Variants in RRP7A observed in about 807,000 individuals in gnomAD.
RRP7A encodes the protein ribosomal RNA processing 7 homolog A, also known as ribosomal RNA-processing protein 7 homolog A.
Under a neutral mutation model 38.4 loss-of-function variants are expected in RRP7A, and 27 were observed. That is an observed-to-expected ratio of 0.70 (90% CI 0.52 to 0.97). The LOEUF (loss-of-function observed/expected upper bound fraction) is 0.97. Among genes scored for constraint, RRP7A ranks in the 50% least tolerant of loss-of-function variants. The probability of loss-of-function intolerance (pLI) is 0.00; values close to 1 mark genes in which losing one functional copy is unlikely to be tolerated. For synonymous variants in RRP7A, 124 were observed against 150.3 expected (o/e 0.83, Z 1.28); for missense variants, 327 against 375.4 (o/e 0.87, Z 1.07).
chr22:42,515,797 G>A (rs909272829), intron 3 of RRP7A, among the ~76,000 whole-genome samples: 5 of 152,216 alleles, frequency 3.3e-5, no homozygotes, highest in African/African-American at 4.8e-5. Flanking sequence ...GCTTTAACAC[G>A]GGACAGAAAA....
rs568657602 is a variant in RRP7A, at chr22:42,509,320, G to A, written c.*3590C>T. ...GGAGGGCTCAGGCAGCAGGGGATGG[G>A]CCGGGGCTGTCCCATGCCTTTCCAC... On this transcript the variant is annotated 3_prime_UTR_variant, in exon 7 of 7. Coordinates refer to ENST00000323013, the MANE Select transcript of RRP7A (RefSeq NM_015703.5). Among the ~76,000 whole-genome samples, 6 of 150,308 alleles carry A rather than the reference G, an allele frequency of 4.0e-5. No homozygotes were observed. In the East Asian group the frequency reaches 1.2e-3, roughly 29 times the overall value.
Position 42,509,684 on chromosome 22 carries a change from G to C in RRP7A, c.*3226C>G, listed in dbSNP as rs533502014. 2.6e-5 allele frequency among the ~76,000 whole-genome samples: 4 copies of C among 152,064 alleles called. No individual in the cohort carries two copies. The East Asian group carries it at 5.8e-4, about 22-fold the overall frequency. ...AAACGAAGCACTGACATGGGCTCCA[G>C]CATGGATGAGCCTTGAAAACATCGC... On this transcript the variant is annotated 3_prime_UTR_variant, in exon 7 of 7. Coordinates refer to ENST00000323013, the MANE Select transcript of RRP7A (RefSeq NM_015703.5).
At chr22:42,514,078 G>A (rs1920923938) in intron 6 of RRP7A, 28 bp downstream of exon 6, 6 of 1,601,688 alleles carry the variant, frequency 3.7e-6, no homozygotes, top group South Asian at 2.2e-5. Context: ...AGGCCGAGGG[G>A]TCTGAGGATG....
At position 42,511,087 on chromosome 22, in the gene RRP7A, T is replaced by A; in HGVS notation, c.*1823A>T. 6.5e-6 allele frequency: 1 copy of A among 153,720 alleles called. No individual in the cohort carries two copies. The highest frequency in any genetic ancestry group is 2.0e-4 in the South Asian group (1 of 4,904). The allele number at this position is 153,720 out of a possible 1,614,324, so 9.5% of individuals were successfully genotyped here. ...GGCTCAGTCATAGCTCACTGCAGCC[T>A]CAAACTCCTGGGCTCAAATGATCCT... On this transcript the variant is annotated 3_prime_UTR_variant, in exon 7 of 7. Transcript: ENST00000323013.
In RRP7A at chr22:42,511,790, G is replaced by C. The variant is rs191545077; in HGVS notation, c.*1120C>G. 3.7e-6 allele frequency: 1 copy of C among 267,754 alleles called. No homozygotes were observed. Among genetic ancestry groups the C allele is most frequent in the Non-Finnish European group, 7.3e-6 (1 of 137,548 alleles). The allele number at this position is 267,754 out of a possible 1,614,324, so 16.6% of individuals were successfully genotyped here. ...AGACACAAGTCTGCAGGCTGCTCAC[G>C]TCATCTCATTATCTTTTCTCACGAG... On this transcript the variant is annotated 3_prime_UTR_variant, in exon 7 of 7. Transcript: ENST00000323013.
At position 42,509,780 on chromosome 22, in the gene RRP7A, G is replaced by GAC. The variant is rs1932388226; in HGVS notation, c.*3128_*3129dup. On this transcript the variant is annotated 3_prime_UTR_variant, in exon 7 of 7. Transcript: ENST00000323013. ...TGCATTCACGTTCAAGTCCAAATAG[G>GAC]ACACACGGCAGAGACAAAGCCAGGT... Among the ~76,000 whole-genome samples, 1 of 122,436 alleles carries GAC rather than the reference G, an allele frequency of 8.2e-6. No individual in the cohort carries two copies. Among genetic ancestry groups the GAC allele is most frequent in the African/African-American group, 2.8e-5 (1 of 35,870 alleles). 80.3% of individuals were successfully genotyped at this position (122,436 alleles called of 152,430 possible).
At chr22:42,514,540 G>A in intron 5 of RRP7A, 142 bp downstream of exon 5, 1 of 841,810 alleles carries the variant, frequency 1.2e-6, no homozygotes. Flanking sequence ...CAGCCAGGCA[G>A]CCCAGGATCC....
At chr22:42,513,280 C>T (rs1445213774) in intron 6 of RRP7A, among the ~76,000 whole-genome samples, 3 of 134,778 alleles carry the variant, frequency 2.2e-5, no homozygotes, top group East Asian at 2.1e-4. Flanking sequence ...CCCCCACCCC[C>T]ATCCCTGCAC....
At position 42,508,593 on chromosome 22, in the gene RRP7A, G is replaced by A. The variant is rs1569257198; in HGVS notation, c.*4317C>T. 3.3e-5 allele frequency among the ~76,000 whole-genome samples: 5 copies of A among 152,216 alleles called. No individual in the cohort carries two copies. On this transcript the variant is annotated 3_prime_UTR_variant, in exon 7 of 7. Coordinates refer to ENST00000323013, the MANE Select transcript of RRP7A (RefSeq NM_015703.5). ...CCATCCTGCACTGTGGTCCCAGCAA[G>A]TTTCTTTCTCCTGGCAAGAAGCCTG...
rs760648722 is a variant in RRP7A, at chr22:42,516,151, G to T, written c.217-15C>A. ...GACAGGCTCTCCTGCCGCAGGGAGA[G>T]GGAAGCCAAGTGTGAGCATCCGCAG... On this transcript the variant is annotated splice_polypyrimidine_tract_variant and intron_variant, in intron 2 of 6. Transcript: ENST00000323013. 10 of 1,611,948 alleles carry T rather than the reference G, an allele frequency of 6.2e-6. No homozygotes were observed. In the South Asian group the frequency reaches 1.1e-4, roughly 18 times the overall value.
chr22:42,515,942 T>TC (rs1405336307), intron 3 of RRP7A, 69 bp downstream of exon 3: 52 of 1,508,914 alleles, frequency 3.4e-5, no homozygotes, highest in Admixed American at 1.7e-4. Flanking sequence ...CACTGCCAGC[T>TC]CCCCCAACAC....
Position 42,509,338 on chromosome 22 carries a change from C to A in RRP7A, c.*3572G>T, listed in dbSNP as rs566034227. On this transcript the variant is annotated 3_prime_UTR_variant, in exon 7 of 7. Coordinates refer to ENST00000323013, the MANE Select transcript of RRP7A (RefSeq NM_015703.5). Reference sequence around the variant, plus strand: ...GGGATGGGCCGGGGCTGTCCCATGCCTTTCCACAGGTGTCAGCGGGGGGCA... The same window carrying A: ...GGGATGGGCCGGGGCTGTCCCATGCATTTCCACAGGTGTCAGCGGGGGGCA... Among the ~76,000 whole-genome samples the A allele has an allele frequency of 8.7e-5, 13 of 149,536 alleles. No individual in the cohort carries two copies. The highest frequency in any genetic ancestry group is 2.9e-4 in the African/African-American group (12 of 41,314).
At chr22:42,517,032 C>A (rs941065368) in intron 2 of RRP7A, among the ~76,000 whole-genome samples, 7 of 152,096 alleles carry the variant, frequency 4.6e-5, no homozygotes, top group Admixed American at 3.9e-4. Flanking sequence ...AATCCCAGCA[C>A]GTTGGGAGGC....
intron 1 of RRP7A, 120 bp downstream of exon 1, chr22:42,519,594 G>A (rs1192666406): frequency 7.0e-6 from 6 of 858,218 alleles, no homozygotes; most frequent in Admixed American, 8.6e-5. Context: ...GGGGCCACGG[G>A]CCACCGGGGC....
chr22:42,519,655 C>A, intron 1 of RRP7A, 59 bp downstream of exon 1: 6 of 1,382,026 alleles, frequency 4.3e-6, no homozygotes, highest in Non-Finnish European at 5.7e-6. Flanking sequence ...GTCGCCAACC[C>A]CCAAACACCT....
intron 2 of RRP7A, chr22:42,516,437 G>A (rs1601807711): frequency 2.3e-6 from 1 of 438,570 alleles, no homozygotes; most frequent in Non-Finnish European, 4.4e-6. Flanking sequence ...AGTCTCCCGA[G>A]CAGCTGGGAT....
intron 1 of RRP7A, 30 bp downstream of exon 1, chr22:42,519,683 GC>G: frequency 6.3e-6 from 9 of 1,434,290 alleles, no homozygotes; most frequent in Non-Finnish European, 4.6e-6. Context: ...ATGCCTGACC[GC>G]CCCCGGTCTC....
At chr22:42,519,353 G>A (rs1331600574) in intron 1 of RRP7A, among the ~76,000 whole-genome samples, 2 of 152,018 alleles carry the variant, frequency 1.3e-5, no homozygotes, top group African/African-American at 2.4e-5. Context: ...TAACAGCCCA[G>A]GTAAGAGCTG....
chr22:42,509,284 G>A lies in RRP7A; in HGVS notation c.*3626C>T, dbSNP rs1932368696. 6.6e-6 allele frequency among the ~76,000 whole-genome samples: 1 copy of A among 151,588 alleles called. No homozygotes were observed. The highest frequency in any genetic ancestry group is 1.5e-5 in the Non-Finnish European group (1 of 67,828). ...GCAGCAGGGTCATGGAAGGAGGAAG[G>A]TCAGAGGAGGGGAGGGCTCAGGCAG... On this transcript the variant is annotated 3_prime_UTR_variant, in exon 7 of 7. Coordinates refer to ENST00000323013, the MANE Select transcript of RRP7A (RefSeq NM_015703.5).
Sources: gnomAD v4.1 joint callset for allele counts (sites outside exome capture counted in the v4.1 genomes callset) on GRCh38, gnomAD v4.1.1 for gene constraint, MANE v1.5 for transcripts, NCBI Gene and HGNC (gene_info 2026-07-23, HGNC 2026-07-21) for gene names.